LEKR1: variants seen among roughly 807,000 people sequenced by gnomAD.
LEKR1 encodes protein LEKR1.
A neutral mutation model predicts 72.4 loss-of-function variants in LEKR1; 59 were observed. That is an observed-to-expected ratio of 0.82 (90% CI 0.66 to 1.01). The LOEUF (loss-of-function observed/expected upper bound fraction) is 1.01. LEKR1 is among the 50% of genes least tolerant of loss of function. The pLI, the probability that LEKR1 is intolerant of heterozygous loss-of-function variation, is 0.00. For missense variants in LEKR1, 728 were observed against 759.2 expected, an observed-to-expected ratio of 0.96 and a Z score of 0.48; for synonymous variants, 257 against 263.2, an observed-to-expected ratio of 0.98 and a Z score of 0.23.
intron 6 of LEKR1, among the ~76,000 whole-genome samples, chr3:156,966,164 G>A (rs1015323758): frequency 1.1e-4 from 16 of 152,206 alleles, no homozygotes; most frequent in East Asian, 3.9e-4. Context: ...CAAGATGGCC[G>A]AATAGGAACA....
chr3:156,953,266 C>A (rs1727328172), intron 6 of LEKR1, among the ~76,000 whole-genome samples: 1 of 151,422 alleles, frequency 6.6e-6, no homozygotes, highest in Non-Finnish European at 1.5e-5. Flanking sequence ...CACACAGTTT[C>A]CCCTATGGTT....
chr3:156,994,250 A>AC (rs1731367242), intron 9 of LEKR1, among the ~76,000 whole-genome samples: 1 of 151,644 alleles, frequency 6.6e-6, no homozygotes, highest in African/African-American at 2.4e-5. Flanking sequence ...GGGGGTGGGG[A>AC]CCAGGGTAGT....
intron 5 of LEKR1, among the ~76,000 whole-genome samples, chr3:156,929,308 A>C (rs73027753): frequency 0.019 from 2,959 of 151,968 alleles, 103 homozygotes; most frequent in African/African-American, 0.066. Flanking sequence ...ATCAGCAAAA[A>C]CTCCAGTTGT....
At chr3:156,915,127 T>G (rs1723502097) in intron 3 of LEKR1, among the ~76,000 whole-genome samples, 1 of 152,068 alleles carries the variant, frequency 6.6e-6, no homozygotes, top group South Asian at 2.1e-4. Flanking sequence ...ATCTCATTCT[T>G]TTTTTATGGC....
chr3:156,988,808 G>A (rs1371783336), intron 7 of LEKR1: 1 of 155,610 alleles, frequency 6.4e-6, no homozygotes, highest in African/African-American at 2.4e-5. Context: ...ACATAATTGG[G>A]AATATACTTT....
intron 2 of LEKR1, among the ~76,000 whole-genome samples, 168 bp downstream of exon 2, chr3:156,829,545 A>G (rs1298374089): frequency 6.6e-6 from 1 of 152,236 alleles, no homozygotes; most frequent in Non-Finnish European, 1.5e-5. Context: ...GTAGAATTCA[A>G]TTCAGTATGA....
chr3:157,020,396 T>G (rs1262745330), intron 10 of LEKR1, among the ~76,000 whole-genome samples: 3 of 143,608 alleles, frequency 2.1e-5, no homozygotes, highest in African/African-American at 7.6e-5. Context: ...TCATTTAGCA[T>G]TGGGTATATC....
At position 157,031,101 on chromosome 3, in the gene LEKR1, G is replaced by A. The variant is rs866112131; in HGVS notation, c.1668+2699G>A. On this transcript the variant is annotated intron_variant, in intron 12 of 12. Coordinates refer to ENST00000356539, the MANE Select transcript of LEKR1 (RefSeq NM_001004316.3). ...TCAGGAGAGTAAGGATCATTAAGGG[G>A]GCGTTTTAAAGGCTTCCAATCACAG... 6.9e-4 allele frequency among the ~76,000 whole-genome samples: 105 copies of A among 152,214 alleles called. 2 individuals carry two copies. Among genetic ancestry groups the A allele is most frequent in the African/African-American group, 2.5e-3 (103 of 41,546 alleles).
intron 9 of LEKR1, among the ~76,000 whole-genome samples, chr3:157,010,072 T>G (rs1401103239): frequency 6.6e-6 from 1 of 152,040 alleles, no homozygotes; most frequent in Non-Finnish European, 1.5e-5. Context: ...TCATCCCTCT[T>G]ATTTCTGATA....
rs929698060 is a variant in LEKR1 at position 156,849,979 on chromosome 3, C to A, written c.49-2789C>A. 7.2e-5 allele frequency among the ~76,000 whole-genome samples: 11 copies of A among 152,032 alleles called. No individual in the cohort carries two copies. In the East Asian group the frequency reaches 1.7e-3, roughly 24 times the overall value. ...CATCAGAGTGAACAGGCAACCTACA[C>A]AATGGGAGAAAATTTTTGCAACCTA... On this transcript the variant is annotated intron_variant, in intron 2 of 12. Transcript: ENST00000356539.
intron 3 of LEKR1, among the ~76,000 whole-genome samples, chr3:156,904,019 T>C (rs1722284095): frequency 6.6e-6 from 1 of 152,190 alleles, no homozygotes; most frequent in Non-Finnish European, 1.5e-5. Flanking sequence ...GTAATTATAT[T>C]GGGTGGCCAA....
intron 4 of LEKR1, among the ~76,000 whole-genome samples, chr3:156,927,109 T>C (rs1007244839): frequency 6.6e-6 from 1 of 151,982 alleles, no homozygotes; most frequent in African/African-American, 2.4e-5. Flanking sequence ...TTCTCTGACC[T>C]AATTTTCTTC....
intron 3 of LEKR1, chr3:156,888,567 G>A (rs148758357): frequency 1.9e-6 from 1 of 529,468 alleles, no homozygotes; most frequent in South Asian, 2.9e-5. Context: ...AGATTTGGGA[G>A]CTGCTTATAT....
intron 9 of LEKR1, among the ~76,000 whole-genome samples, chr3:156,997,770 G>A (rs987481074): frequency 2.0e-5 from 3 of 152,182 alleles, no homozygotes; most frequent in Non-Finnish European, 4.4e-5. Flanking sequence ...AAAAGCCAGA[G>A]GTGACCCTAG....
At chr3:157,016,415 G>A (rs1202921771) in intron 10 of LEKR1, among the ~76,000 whole-genome samples, 3 of 151,914 alleles carry the variant, frequency 2.0e-5, no homozygotes, top group Non-Finnish European at 4.4e-5. Flanking sequence ...AAAGATAGTA[G>A]GATTGAAAGT....
chr3:156,996,697 T>C (rs935123376), intron 9 of LEKR1, among the ~76,000 whole-genome samples: 2 of 152,162 alleles, frequency 1.3e-5, no homozygotes, highest in African/African-American at 4.8e-5. Flanking sequence ...CAGTTTCTGT[T>C]GGGTTAAGTG....
chr3:157,044,462 C>T (rs1002558544), intron 12 of LEKR1, among the ~76,000 whole-genome samples: 3 of 152,218 alleles, frequency 2.0e-5, no homozygotes, highest in Admixed American at 6.5e-5. Context: ...TCCAGTCACA[C>T]ATTTGAAGCT....
At chr3:156,920,838 C>T in intron 4 of LEKR1, 144 bp downstream of exon 4, 1 of 510,652 alleles carries the variant, frequency 2.0e-6, no homozygotes, top group Non-Finnish European at 3.3e-6. Context: ...TTTCTTTTTT[C>T]TTTTTTAAAC....
intron 10 of LEKR1, among the ~76,000 whole-genome samples, chr3:157,015,328 T>A (rs1038521333): frequency 2.0e-5 from 3 of 152,106 alleles, no homozygotes; most frequent in Non-Finnish European, 4.4e-5. Context: ...TGTGTACATG[T>A]GGGAAAATGA....
Sources: allele counts gnomAD v4.1 joint callset (sites outside exome capture counted in the v4.1 genomes callset), GRCh38; gene constraint gnomAD v4.1.1; transcripts MANE v1.5; gene names NCBI Gene and HGNC (gene_info 2026-07-23, HGNC 2026-07-21).